WSB1: variants seen among roughly 807,000 people sequenced by gnomAD.
WSB1 encodes the protein WD repeat and SOCS box containing 1, also known as WD repeat and SOCS box-containing protein 1.
A neutral mutation model predicts 50.2 loss-of-function variants in WSB1; 23 were observed. The observed-to-expected ratio is 0.46, with a 90% CI of 0.33 to 0.65. WSB1 has a LOEUF of 0.65. Among genes scored for constraint, WSB1 ranks in the 30% least tolerant of loss-of-function variants. The pLI is 0.02. For missense variants in WSB1, 492 were observed against 522.3 expected, an observed-to-expected ratio of 0.94 and a Z score of 0.56; for synonymous variants, 179 against 172.0, an observed-to-expected ratio of 1.04 and a Z score of -0.32.
chr17:27,308,284 T>C (rs2017536915), intron 5 of WSB1: 2 of 986,140 alleles, frequency 2.0e-6, no homozygotes, highest in African/African-American at 3.5e-5. Flanking sequence ...AGCTCACATT[T>C]AATATAACAG....
At chr17:27,298,857 G>A (rs1449609838) in intron 1 of WSB1, among the ~76,000 whole-genome samples, 1 of 151,680 alleles carries the variant, frequency 6.6e-6, no homozygotes, top group East Asian at 1.9e-4. Context: ...GAGCAAGACT[G>A]TCTTAAAAGG....
intron 5 of WSB1, chr17:27,308,321 T>C: frequency 1.0e-6 from 1 of 985,998 alleles, no homozygotes; most frequent in Non-Finnish European, 1.2e-6. Flanking sequence ...GAATCCTGTT[T>C]AGAGCTATTC....
rs35222722 is a variant in WSB1 at position 27,298,126 on chromosome 17, GAAAAAAAAAAAAAAA to G, written c.41-3653_41-3639del. The stretch of plus-strand genomic sequence containing the variant: ...GGCAACAGAGCAAGCCTCCGTCTCA[GAAAAAAAAAAAAAAA>G]AAAAAAAAGTCACGTATGAAAAATT... On this transcript the variant is annotated intron_variant, in intron 1 of 8. Transcript: ENST00000262394. Among the ~76,000 whole-genome samples, 582 of 74,216 alleles carry G rather than the reference GAAAAAAAAAAAAAAA, an allele frequency of 7.8e-3. 6 individuals carry two copies. The highest frequency in any genetic ancestry group is 0.027 in the Middle Eastern group (3 of 110). The allele number at this position is 74,216 out of a possible 152,430, so 48.7% of individuals were successfully genotyped here.
chr17:27,295,766 CT>C (rs1015481026), intron 1 of WSB1, among the ~76,000 whole-genome samples: 1 of 151,002 alleles, frequency 6.6e-6, no homozygotes, highest in Non-Finnish European at 1.5e-5. Context: ...AGTGATCTGC[CT>C]TTTTTTTAAA....
rs144114473 is a variant in WSB1, at chr17:27,303,368, C to G, written c.211C>G (p.Leu71Val). The G allele has an allele frequency of 4.3e-5, 69 of 1,613,512 alleles. No homozygotes were observed. The Admixed American group carries it at 7.3e-4, about 17-fold the overall frequency. ...VPWSQCLQNF[L>V]LHGTKNVTNS... ...TCCATCTGACTTCCCCCACTCCAGT[C>G]TCTTGCATGGCACCAAGAATGTTAC... Residue 71 changes from leucine to valine, a missense_variant and splice_region_variant, in exon 3 of 9, where the codon CTC becomes GTC. Transcript: ENST00000262394.
At chr17:27,294,560 C>G in intron 1 of WSB1, 125 bp downstream of exon 1, 2 of 1,378,170 alleles carry the variant, frequency 1.5e-6, no homozygotes, top group East Asian at 2.5e-5. Context: ...GGCCAGCCCA[C>G]TAGCGAGGAG....
intron 1 of WSB1, among the ~76,000 whole-genome samples, 181 bp downstream of exon 1, chr17:27,294,616 GACGTGGATGCAGCACCT>G (rs2016868151): frequency 6.6e-6 from 1 of 152,188 alleles, no homozygotes; most frequent in Admixed American, 6.5e-5. Flanking sequence ...AAACGGCACC[GACGTGGATGCAGCACCT>G]ACTGTGCTCC....
intron 3 of WSB1, 114 bp from the exon 4 acceptor site, chr17:27,304,666 T>A: frequency 9.7e-7 from 1 of 1,030,368 alleles, no homozygotes; most frequent in Non-Finnish European, 1.4e-6. Context: ...GAGCCAAGAT[T>A]ACGCCATTGC....
intron 2 of WSB1, 50 bp from the exon 3 acceptor site, chr17:27,303,307 TGTCCAGAGGA>T: frequency 1.3e-6 from 2 of 1,524,578 alleles, no homozygotes; most frequent in South Asian, 2.5e-5. Flanking sequence ...AATTATTCAA[TGTCCAGAGGA>T]GTCCAGAGTG....
At chr17:27,303,737 G>T in intron 3 of WSB1, 102 bp downstream of exon 3, 1 of 1,421,136 alleles carries the variant, frequency 7.0e-7, no homozygotes, top group Non-Finnish European at 9.5e-7. Context: ...TTACTGAAAA[G>T]CAAGAATTGA....
intron 1 of WSB1, among the ~76,000 whole-genome samples, chr17:27,298,155 G>T (rs1054674374): frequency 3.5e-5 from 5 of 142,212 alleles, no homozygotes; most frequent in African/African-American, 1.3e-4. Context: ...AAAAAGTCAC[G>T]TATGAAAAAT....
chr17:27,310,111 G>C lies in WSB1; in HGVS notation c.935G>C (p.Arg312Pro). The C allele has an allele frequency of 6.2e-7, 1 of 1,614,092 alleles. No homozygotes were observed. Among genetic ancestry groups the C allele is most frequent in the Non-Finnish European group, 8.5e-7 (1 of 1,179,968 alleles). The change falls in exon 7 of 9, where the codon CGG becomes CCG. Residue 312 changes from arginine to proline, a missense_variant. Coordinates refer to ENST00000262394, the MANE Select transcript of WSB1 (RefSeq NM_015626.10). ...TPIFAGGAND[R>P]WVRSVSFSHD... is the part of the protein sequence containing the mutation. ...ATATTTGCTGGAGGAGCAAATGACC[G>C]GTGGGTACGATCTGTATCTTTTAGC...
chr17:27,302,490 T>C (rs1204191804), intron 2 of WSB1: 5 of 116,356 alleles, frequency 4.3e-5, no homozygotes, highest in Non-Finnish European at 9.2e-5. Flanking sequence ...AGATTGTGTC[T>C]AACAAGTGTA....
intron 4 of WSB1, among the ~76,000 whole-genome samples, chr17:27,306,374 G>A (rs907699214): frequency 6.6e-6 from 1 of 151,884 alleles, no homozygotes; most frequent in Non-Finnish European, 1.5e-5. Context: ...CACCATGCCC[G>A]GCTGATTTTT....
intron 6 of WSB1, among the ~76,000 whole-genome samples, chr17:27,309,676 G>A (rs2017593441): frequency 6.6e-6 from 1 of 151,748 alleles, no homozygotes; most frequent in African/African-American, 2.4e-5. Context: ...TCCACCTCCT[G>A]GGTTCAAGCA....
rs919433262 is a variant in WSB1 at position 27,312,987 on chromosome 17, G to C, written c.*618G>C. 6.6e-6 allele frequency: 1 copy of C among 151,818 alleles called. No individual in the cohort carries two copies. The highest frequency in any genetic ancestry group is 2.1e-4 in the South Asian group (1 of 4,822). 9.4% of individuals were successfully genotyped at this position (151,818 alleles called of 1,614,324 possible). ...ACCCAGGAGGTGGAGGTTGCAGTAAGCCAAGATCACACCACTGCACTCCAA... is the reference window on the plus strand; with the variant it reads ...ACCCAGGAGGTGGAGGTTGCAGTAACCCAAGATCACACCACTGCACTCCAA... On this transcript the variant is annotated 3_prime_UTR_variant, in exon 9 of 9. Coordinates refer to ENST00000262394, the MANE Select transcript of WSB1 (RefSeq NM_015626.10).
intron 6 of WSB1, among the ~76,000 whole-genome samples, chr17:27,309,659 T>G (rs1414433279): frequency 6.6e-6 from 1 of 151,992 alleles, no homozygotes; most frequent in Non-Finnish European, 1.5e-5. Context: ...CTCAGCTCAC[T>G]GCAACCTCCA....
rs933138731 is a variant in WSB1, at chr17:27,313,836, GTAA to G, written c.*1472_*1474del. Reference sequence around the variant, plus strand: ...TGGTTTTGTTTTTAGGAGAACTGTTGTAATAATGCATATTTTAAAAGCATAGGG... The same window carrying G: ...TGGTTTTGTTTTTAGGAGAACTGTTGTAATGCATATTTTAAAAGCATAGGG... On this transcript the variant is annotated 3_prime_UTR_variant, in exon 9 of 9. Coordinates refer to ENST00000262394, the MANE Select transcript of WSB1 (RefSeq NM_015626.10). 6.6e-6 allele frequency: 1 copy of G among 152,182 alleles called. No individual in the cohort carries two copies. The highest frequency in any genetic ancestry group is 2.4e-5 in the African/African-American group (1 of 41,442). The allele number at this position is 152,182 out of a possible 1,614,324, so 9.4% of individuals were successfully genotyped here.
intron 3 of WSB1, 72 bp from the exon 4 acceptor site, chr17:27,304,708 T>G: frequency 6.7e-7 from 1 of 1,491,230 alleles, no homozygotes; most frequent in Admixed American, 1.9e-5. Flanking sequence ...TGAGACCCTG[T>G]CTCAAGAAAA....
Sources: allele counts gnomAD v4.1 joint callset (sites outside exome capture counted in the v4.1 genomes callset), GRCh38; gene constraint gnomAD v4.1.1; transcripts MANE v1.5; gene names NCBI Gene and HGNC (gene_info 2026-07-23, HGNC 2026-07-21).